DEFB108B: variants seen among roughly 807,000 people sequenced by gnomAD.
DEFB108B encodes the protein defensin beta 108B, also known as beta-defensin 108B.
A neutral mutation model predicts 2.4 loss-of-function variants in DEFB108B; 3 were observed. That is an observed-to-expected ratio of 1.25 (90% CI 0.57 to 3.24). The LOEUF (loss-of-function observed/expected upper bound fraction) is 3.24, where lower values mean the gene tolerates loss of function less well. Among genes scored for constraint, DEFB108B ranks in the 30% most tolerant of loss-of-function variants. DEFB108B has a pLI of 0.03. For missense variants in DEFB108B, 101 were observed against 87.8 expected, an observed-to-expected ratio of 1.15 and a Z score of -0.60; for synonymous variants, 25 against 28.7, an observed-to-expected ratio of 0.87 and a Z score of 0.41.
intron 1 of DEFB108B, among the ~76,000 whole-genome samples, chr11:71,834,368 T>C (rs1306588227): frequency 6.6e-6 from 1 of 152,218 alleles, no homozygotes; most frequent in Non-Finnish European, 1.5e-5. Context: ...ATGGGTTTGA[T>C]TTTTTTAACC....
chr11:71,836,560 A>G (rs1343776056), intron 1 of DEFB108B, among the ~76,000 whole-genome samples: 1 of 152,226 alleles, frequency 6.6e-6, no homozygotes, highest in East Asian at 1.9e-4. Flanking sequence ...CACTTTTCAA[A>G]CTAAATACCT....
At chr11:71,834,638 C>T (rs1387352695) in intron 1 of DEFB108B, 1 of 152,300 alleles carries the variant, frequency 6.6e-6, no homozygotes, top group African/African-American at 2.4e-5. Context: ...AAAGGTGGCA[C>T]CTCCTCTGGA....
chr11:71,836,582 GC>G, intron 1 of DEFB108B, among the ~76,000 whole-genome samples: 1 of 152,160 alleles, frequency 6.6e-6, no homozygotes, highest in Non-Finnish European at 1.5e-5. Flanking sequence ...AGTGTGTGTG[GC>G]CTATCCCCAG....
At position 71,837,449 on chromosome 11, in the gene DEFB108B, G is replaced by C. The variant is rs1441594440; in HGVS notation, c.109G>C (p.Asp37His). 1.9e-6 allele frequency: 3 copies of C among 1,611,984 alleles called. No individual in the cohort carries two copies. The highest frequency in any genetic ancestry group is 2.5e-6 in the Non-Finnish European group (3 of 1,179,848). The change falls in exon 2 of 2, where the codon GAC (aspartate) becomes CAC (histidine). Residue 37 changes from aspartate to histidine, a missense_variant. Asp to His is a moderately conservative substitution (Grantham distance 81, BLOSUM62 -1). Transcript: ENST00000328698. The stretch of plus-strand genomic sequence containing the variant: ...TGAACGTCCAAATGGCTCCTGTCGG[G>C]ACTTTTGCCTTGAAACAGAAATCCA... Reference protein sequence around the residue: ...ICERPNGSCRDFCLETEIHVG... With the variant: ...ICERPNGSCRHFCLETEIHVG...
chr11:71,834,696 G>C (rs780221030), intron 1 of DEFB108B: 1 of 152,192 alleles, frequency 6.6e-6, no homozygotes, highest in African/African-American at 2.4e-5. Flanking sequence ...TTTGTAGAAG[G>C]CTAGAGAAGA....
At position 71,837,446 on chromosome 11, in the gene DEFB108B, C is replaced by T. The variant is rs12793731; in HGVS notation, c.106C>T (p.Arg36Trp). Residue 36 changes from arginine to tryptophan, a missense_variant, in exon 2 of 2, where the codon CGG becomes TGG. Transcript: ENST00000328698. The part of the protein sequence containing the change: ...EICERPNGSC[R>W]DFCLETEIHV... ...CTGTGAACGTCCAAATGGCTCCTGT[C>T]GGGACTTTTGCCTTGAAACAGAAAT... 0.47 allele frequency: 752,224 copies of T among 1,609,356 alleles called. 185,823 individuals are homozygous for T. The highest frequency in any genetic ancestry group is 0.51 in the South Asian group (46,038 of 90,868).
chr11:71,837,372 G>A (rs1377760617), intron 1 of DEFB108B, 27 bp from the exon 2 acceptor site: 1 of 1,610,412 alleles, frequency 6.2e-7, no homozygotes, highest in African/African-American at 1.3e-5. Flanking sequence ...CTGGTGAATG[G>A]TTACAATAAC....
intron 1 of DEFB108B, among the ~76,000 whole-genome samples, chr11:71,833,682 T>C (rs1442965128): frequency 2.0e-5 from 3 of 152,196 alleles, no homozygotes; most frequent in African/African-American, 7.2e-5. Context: ...TCTTTGAAAA[T>C]ATTATTATAA....
In DEFB108B at chr11:71,835,008, TC is replaced by T. The variant is rs1425741098; in HGVS notation, c.58+1754del. On this transcript the variant is annotated intron_variant, in intron 1 of 1. Transcript: ENST00000328698. ...AAATGAAAACAAAAGATTTTTAAAA[TC>T]CCTAATGTTACTTGAATTCTTGTAA... 6.6e-5 allele frequency: 10 copies of T among 152,210 alleles called. 1 individual carries two copies. Among genetic ancestry groups the T allele is most frequent in the Non-Finnish European group, 8.8e-5 (6 of 68,024 alleles). 9.4% of individuals were successfully genotyped at this position (152,210 alleles called of 1,614,324 possible).
chr11:71,837,336 G>T lies in DEFB108B; in HGVS notation c.59-63G>T, dbSNP rs953629568. 4.4e-6 allele frequency: 7 copies of T among 1,586,304 alleles called. No homozygotes were observed. In the African/African-American group the frequency reaches 5.4e-5, roughly 12 times the overall value. ...TTCAAGCACTGCCCCCTACATCCAT[G>T]TAATTCAACACAAAGTAAAGAAAGA... On this transcript the variant is annotated intron_variant, in intron 1 of 1. Coordinates refer to ENST00000328698, the MANE Select transcript of DEFB108B (RefSeq NM_001002035.2).
At position 71,837,480 on chromosome 11, in the gene DEFB108B, G is replaced by A. The variant is rs757126254; in HGVS notation, c.140G>A (p.Gly47Glu). 6.2e-6 allele frequency: 10 copies of A among 1,611,994 alleles called. No homozygotes were observed. Among genetic ancestry groups the A allele is most frequent in the Non-Finnish European group, 8.5e-6 (10 of 1,179,844 alleles). The change falls in exon 2 of 2, where the codon GGG (glycine) becomes GAG (glutamate). Residue 47 changes from glycine to glutamate, a missense_variant. By Grantham distance (98) the Gly-to-Glu change is moderately conservative. Transcript: ENST00000328698. ...DFCLETEIHV[G>E]RCLNSQPCCL... Reference sequence around the variant, plus strand: ...TGCCTTGAAACAGAAATCCATGTTGGGAGATGTTTAAATAGCCAACCCTGC... The same window carrying A: ...TGCCTTGAAACAGAAATCCATGTTGAGAGATGTTTAAATAGCCAACCCTGC...
intron 1 of DEFB108B, among the ~76,000 whole-genome samples, chr11:71,834,505 T>C (rs942341242): frequency 6.6e-6 from 1 of 152,198 alleles, no homozygotes; most frequent in Non-Finnish European, 1.5e-5. Context: ...TGTCACTCAA[T>C]CAAAATAGAA....
At chr11:71,834,656 A>C (rs532196359) in intron 1 of DEFB108B, 7 of 152,356 alleles carry the variant, frequency 4.6e-5, no homozygotes, top group African/African-American at 1.4e-4. Flanking sequence ...GGATGTCCTT[A>C]GGTAGACATT....
chr11:71,837,612 T>C lies in DEFB108B; in HGVS notation c.*50T>C. 6.3e-7 allele frequency: 1 copy of C among 1,583,664 alleles called. No homozygotes were observed. Among genetic ancestry groups the C allele is most frequent in the Non-Finnish European group, 8.6e-7 (1 of 1,166,212 alleles). ...ATGTTCTCTTTTTTCTCTCTCCCTC[T>C]CTCTGTCTCCCTGTCTCCCTTTCCC... On this transcript the variant is annotated 3_prime_UTR_variant, in exon 2 of 2. Coordinates refer to ENST00000328698, the MANE Select transcript of DEFB108B (RefSeq NM_001002035.2).
At chr11:71,833,281 G>C in intron 1 of DEFB108B, 24 bp downstream of exon 1, 2 of 1,555,298 alleles carry the variant, frequency 1.3e-6, no homozygotes, top group Non-Finnish European at 1.8e-6. Context: ...CTTGGTAAGA[G>C]TAGAGTGCCT....
intron 1 of DEFB108B, 71 bp downstream of exon 1, chr11:71,833,328 A>T: frequency 6.3e-7 from 1 of 1,585,808 alleles, no homozygotes. Context: ...AAGAGAAATC[A>T]CCATCACCTA....
intron 1 of DEFB108B, among the ~76,000 whole-genome samples, chr11:71,835,415 G>GT (rs1952210241): frequency 6.6e-6 from 1 of 152,098 alleles, no homozygotes; most frequent in African/African-American, 2.4e-5. Context: ...AAAAGACACA[G>GT]TTTTGTTCTT....
Position 71,833,335 on chromosome 11 carries a change from C to A in DEFB108B, c.58+78C>A, listed in dbSNP as rs536630435. 2.1e-5 allele frequency: 33 copies of A among 1,577,540 alleles called. No homozygotes were observed. The East Asian group carries it at 7.4e-4, about 35-fold the overall frequency. On this transcript the variant is annotated intron_variant, in intron 1 of 1. Coordinates refer to ENST00000328698, the MANE Select transcript of DEFB108B (RefSeq NM_001002035.2). The stretch of plus-strand genomic sequence containing the variant: ...AATACTCAAAGAGAAATCACCATCA[C>A]CTATAACCAGAAAAGGGGGTCTCAT...
At chr11:71,833,898 G>A (rs1251034168) in intron 1 of DEFB108B, among the ~76,000 whole-genome samples, 1 of 152,146 alleles carries the variant, frequency 6.6e-6, no homozygotes, top group African/African-American at 2.4e-5. Context: ...TTAATCACAG[G>A]TATAAGGCCC....
Sources: gnomAD v4.1 joint callset for allele counts (sites outside exome capture counted in the v4.1 genomes callset) on GRCh38, gnomAD v4.1.1 for gene constraint, MANE v1.5 for transcripts, NCBI Gene and HGNC (gene_info 2026-07-23, HGNC 2026-07-21) for gene names.